TCEA1: variants seen among roughly 807,000 people sequenced by gnomAD.
TCEA1 encodes the protein transcription elongation factor A protein 1.
In TCEA1, 21 loss-of-function variants were observed where a neutral mutation model predicts 43.8. That is an observed-to-expected ratio of 0.48 (90% CI 0.34 to 0.69). The LOEUF (loss-of-function observed/expected upper bound fraction) is 0.69. Ranked by LOEUF, TCEA1 falls within the 30% of genes least tolerant of loss-of-function variation. The probability of loss-of-function intolerance (pLI) is 0.01; values close to 1 mark genes in which losing one functional copy is unlikely to be tolerated. For missense variants in TCEA1, 250 were observed against 365.1 expected, an observed-to-expected ratio of 0.68 and a Z score of 2.57; for synonymous variants, 104 against 117.5, an observed-to-expected ratio of 0.88 and a Z score of 0.75.
At chr8:53,982,289 A>G (rs1563473775) in intron 7 of TCEA1, among the ~76,000 whole-genome samples, 1 of 152,074 alleles carries the variant, frequency 6.6e-6, no homozygotes. Context: ...GATGACTTTG[A>G]GGGGTTTGAC....
At chr8:54,000,134 G>A in intron 2 of TCEA1, 84 bp from the exon 3 acceptor site, 1 of 845,916 alleles carries the variant, frequency 1.2e-6, no homozygotes, top group Non-Finnish European at 1.8e-6. Context: ...TTCTTTCCCA[G>A]ATTCCTGTTT....
At chr8:53,995,312 A>G (rs1011667358) in intron 3 of TCEA1, among the ~76,000 whole-genome samples, 77 of 138,048 alleles carry the variant, frequency 5.6e-4, no homozygotes, top group Non-Finnish European at 6.1e-4. Context: ...AAAAAAAAAA[A>G]AAAGAAAAAT....
intron 2 of TCEA1, among the ~76,000 whole-genome samples, chr8:54,003,400 A>C (rs1487629899): frequency 6.6e-6 from 1 of 152,200 alleles, no homozygotes; most frequent in Non-Finnish European, 1.5e-5. Flanking sequence ...AAAGGACCCA[A>C]AACAGCCAAA....
intron 8 of TCEA1, chr8:53,973,184 G>A: frequency 2.0e-6 from 1 of 503,012 alleles, no homozygotes; most frequent in Non-Finnish European, 3.7e-6. Flanking sequence ...GGACGATGAA[G>A]AACAAATCAC....
chr8:54,010,085 TGAAGCTA>T (rs1804605084), intron 2 of TCEA1: 1 of 222,146 alleles, frequency 4.5e-6, no homozygotes. Context: ...ATCCTCACCC[TGAAGCTA>T]GCTTCATGCT....
intron 5 of TCEA1, 98 bp from the exon 6 acceptor site, chr8:53,987,123 A>G (rs998862536): frequency 2.0e-6 from 2 of 1,005,232 alleles, no homozygotes; most frequent in African/African-American, 1.6e-5. Context: ...CTTAAACCCC[A>G]TTTGCCTGAC....
chr8:53,987,739 T>C (rs1233432113), intron 5 of TCEA1, among the ~76,000 whole-genome samples: 2 of 152,198 alleles, frequency 1.3e-5, no homozygotes, highest in Non-Finnish European at 2.9e-5. Context: ...ACATTCATAC[T>C]ATATGTCATA....
chr8:53,973,053 T>C (rs778326240), intron 8 of TCEA1: 9 of 673,372 alleles, frequency 1.3e-5, no homozygotes, highest in Admixed American at 5.5e-5. Flanking sequence ...GGAAGAGCTT[T>C]TGGACATGGA....
At chr8:53,994,940 A>G (rs1464035703) in intron 3 of TCEA1, among the ~76,000 whole-genome samples, 1 of 152,060 alleles carries the variant, frequency 6.6e-6, no homozygotes, top group Non-Finnish European at 1.5e-5. Context: ...AGTCAGTGCA[A>G]TATTTCAATA....
intron 3 of TCEA1, among the ~76,000 whole-genome samples, chr8:53,997,637 C>T (rs2129307662): frequency 6.6e-6 from 1 of 152,328 alleles, no homozygotes; most frequent in Non-Finnish European, 1.5e-5. Context: ...ATGGCTCACG[C>T]CTATAAACCT....
rs1417231725 is a variant in TCEA1, at chr8:53,970,375, T to C, written c.897+17A>G. 1.9e-6 allele frequency: 3 copies of C among 1,558,598 alleles called. No homozygotes were observed. The highest frequency in any genetic ancestry group is 1.7e-5 in the Admixed American group (1 of 59,122). On this transcript the variant is annotated intron_variant, in intron 9 of 9. Coordinates refer to ENST00000521604, the MANE Select transcript of TCEA1 (RefSeq NM_006756.4). ...ATTTTAAGTGAGTATATAATATGAATCCAAGAGAGTCCATACCTTCCATCG... is the reference window on the plus strand; with the variant it reads ...ATTTTAAGTGAGTATATAATATGAACCCAAGAGAGTCCATACCTTCCATCG...
rs202234005 is a variant in TCEA1, at chr8:54,008,589, CAGGAGGTGG to C, written c.126+1832_126+1840del. Among the ~76,000 whole-genome samples the C allele has an allele frequency of 5.7e-3, 864 of 151,232 alleles. 21 individuals are homozygous for C. The East Asian group carries it at 0.075, about 13-fold the overall frequency. ...CTGAGGTGGGAGGATCACTTCAGCC[CAGGAGGTGG>C]AGGCTGCAGTCAGCCAATGATCATG... On this transcript the variant is annotated intron_variant, in intron 2 of 9. Transcript: ENST00000521604.
intron 8 of TCEA1, among the ~76,000 whole-genome samples, chr8:53,976,167 C>T (rs533577820): frequency 1.3e-5 from 2 of 152,104 alleles, no homozygotes; most frequent in Admixed American, 6.6e-5. Context: ...ACTGAAATTC[C>T]GTAAGAGATG....
At chr8:53,984,266 A>T (rs1264254403) in intron 7 of TCEA1, 97 bp downstream of exon 7, 1 of 1,125,670 alleles carries the variant, frequency 8.9e-7, no homozygotes, top group East Asian at 2.7e-5. Flanking sequence ...AATTTATTAC[A>T]TATGCAATAT....
chr8:53,988,040 C>T, intron 5 of TCEA1, 74 bp downstream of exon 5: 5 of 1,543,368 alleles, frequency 3.2e-6, no homozygotes, highest in Non-Finnish European at 3.5e-6. Context: ...CATCAAACAG[C>T]AATATGGAGT....
chr8:53,990,050 T>C (rs1803823206), intron 4 of TCEA1, among the ~76,000 whole-genome samples: 1 of 152,086 alleles, frequency 6.6e-6, no homozygotes, highest in African/African-American at 2.4e-5. Flanking sequence ...GTTTTAAAAA[T>C]TTGCCAAACA....
Position 53,966,728 on chromosome 8 carries a change from C to CA in TCEA1, c.*1375dup, listed in dbSNP as rs1435806743. 3 of 199,334 alleles carry CA rather than the reference C, an allele frequency of 1.5e-5. No individual in the cohort carries two copies. The highest frequency in any genetic ancestry group is 2.1e-5 in the Non-Finnish European group (2 of 96,878). The allele number at this position is 199,334 out of a possible 1,614,324, so 12.3% of individuals were successfully genotyped here. The stretch of plus-strand genomic sequence containing the variant: ...TAGAGGTGAGTTGGTACCAGTGGGC[C>CA]AATTCTTAACACGGACATTTAAAAA... On this transcript the variant is annotated 3_prime_UTR_variant, in exon 10 of 10. Coordinates refer to ENST00000521604, the MANE Select transcript of TCEA1 (RefSeq NM_006756.4).
rs183474861 is a variant in TCEA1, at chr8:53,987,547, C to G, written c.467-522G>C. Among the ~76,000 whole-genome samples the G allele has an allele frequency of 8.3e-4, 127 of 152,268 alleles. 1 individual carries two copies. Among genetic ancestry groups the G allele is most frequent in the Admixed American group, 8.2e-3 (125 of 15,296 alleles). On this transcript the variant is annotated intron_variant, in intron 5 of 9. Coordinates refer to ENST00000521604, the MANE Select transcript of TCEA1 (RefSeq NM_006756.4). The stretch of plus-strand genomic sequence containing the variant: ...AGAGTAAGGAGAAAATCAGGTCAAA[C>G]TAGCCATGGTGCAGAATGAGAGAAA...
chr8:54,014,502 T>C (rs756535699), intron 1 of TCEA1, among the ~76,000 whole-genome samples: 1 of 152,184 alleles, frequency 6.6e-6, no homozygotes, highest in Non-Finnish European at 1.5e-5. Flanking sequence ...TTGTAGCATC[T>C]CCTACAGATG....
Sources: gnomAD v4.1 joint callset for allele counts (sites outside exome capture counted in the v4.1 genomes callset) on GRCh38, gnomAD v4.1.1 for gene constraint, MANE v1.5 for transcripts, NCBI Gene and HGNC (gene_info 2026-07-23, HGNC 2026-07-21) for gene names.